ZSWIM6: variants seen among roughly 807,000 people sequenced by gnomAD.
The protein encoded by ZSWIM6 is zinc finger SWIM domain-containing protein 6.
A neutral mutation model predicts 113.2 loss-of-function variants in ZSWIM6; 9 were observed. The observed-to-expected ratio is 0.08, with a 90% CI of 0.05 to 0.14. The LOEUF is 0.14. ZSWIM6 is among the 10% of genes least tolerant of loss of function. The pLI, the probability that ZSWIM6 is intolerant of heterozygous loss-of-function variation, is 1.00. For synonymous variants in ZSWIM6, 611 were observed against 606.5 expected, an observed-to-expected ratio of 1.01 and a Z score of -0.11; for missense variants, 1,162 against 1,552.2, an observed-to-expected ratio of 0.75 and a Z score of 4.22.
chr5:61,387,665 G>A (rs1198585677), intron 1 of ZSWIM6, among the ~76,000 whole-genome samples: 1 of 152,136 alleles, frequency 6.6e-6, no homozygotes, highest in Non-Finnish European at 1.5e-5. Context: ...CCAGCACTTT[G>A]GGAGGCCGAG....
chr5:61,445,841 G>A (rs959168724), intron 1 of ZSWIM6, among the ~76,000 whole-genome samples: 1 of 152,088 alleles, frequency 6.6e-6, no homozygotes, highest in Admixed American at 6.5e-5. Context: ...TACCTTGGGG[G>A]TGACAGTGTT....
chr5:61,535,724 G>A lies in ZSWIM6; in HGVS notation c.2381+105G>A, dbSNP rs1200036774. The A allele has an allele frequency of 3.6e-6, 5 of 1,388,480 alleles. No homozygotes were observed. The African/African-American group carries it at 7.2e-5, about 20-fold the overall frequency. 86.0% of individuals were successfully genotyped at this position (1,388,480 alleles called of 1,614,324 possible). A position where few individuals can be genotyped will look rare whatever the true frequency, so the allele number is the denominator to read the frequency against. ...CATGTTTCTTATAGGCAGCAGAAAA[G>A]CTAAAGAAACTATGTATTTATGCTT... On this transcript the variant is annotated intron_variant, in intron 10 of 13. Transcript: ENST00000252744.
At chr5:61,338,802 T>A (rs1451959474) in intron 1 of ZSWIM6, among the ~76,000 whole-genome samples, 2 of 152,244 alleles carry the variant, frequency 1.3e-5, no homozygotes, top group East Asian at 3.8e-4. Context: ...CTATCCTCAT[T>A]ATTTTTTTTC....
At chr5:61,339,645 C>A (rs574412026) in intron 1 of ZSWIM6, among the ~76,000 whole-genome samples, 6 of 152,108 alleles carry the variant, frequency 3.9e-5, no homozygotes, top group African/African-American at 1.4e-4. Context: ...GCACAAATAT[C>A]CTAAAAATGA....
At chr5:61,438,375 T>A (rs963818222) in intron 1 of ZSWIM6, among the ~76,000 whole-genome samples, 4 of 152,234 alleles carry the variant, frequency 2.6e-5, no homozygotes, top group African/African-American at 9.6e-5. Context: ...AATGTAAAAC[T>A]ATATTCAGGA....
intron 1 of ZSWIM6, among the ~76,000 whole-genome samples, chr5:61,418,257 G>GATTTATTT (rs983217555): frequency 6.6e-6 from 1 of 151,976 alleles, no homozygotes; most frequent in African/African-American, 2.4e-5. Flanking sequence ...ACTAGTCTAT[G>GATTTATTT]ATTTATTTAT....
intron 1 of ZSWIM6, among the ~76,000 whole-genome samples, chr5:61,386,980 T>A (rs1265360141): frequency 6.6e-6 from 1 of 152,214 alleles, no homozygotes; most frequent in Non-Finnish European, 1.5e-5. Context: ...TTGTTAAGAC[T>A]CTTTTCAAGG....
In ZSWIM6 at chr5:61,531,534, A is replaced by G; in HGVS notation, c.2054A>G (p.Glu685Gly). The change falls in exon 9 of 14, where the codon GAA (glutamate) becomes GGA (glycine). Residue 685 changes from glutamate (E) to glycine (G), a missense_variant. Glu to Gly is a moderately conservative substitution (Grantham distance 98). This residue lies in a region of ZSWIM6 where 620 missense variants were observed against 804.6 expected (regional missense o/e 0.77). Transcript: ENST00000252744. ...GCACACAAATTCTTAGAAGAAGGGG[A>G]ATCCTATTTAACGCTGGCTGTGGAA... ...LPAHKFLEEGESYLTLAVEVA... is the reference protein window; with the variant it reads ...LPAHKFLEEGGSYLTLAVEVA... 6.4e-7 allele frequency: 1 copy of G among 1,551,728 alleles called. No homozygotes were observed. The highest frequency in any genetic ancestry group is 8.7e-7 in the Non-Finnish European group (1 of 1,146,982).
At chr5:61,483,824 C>T (rs1344783781) in intron 2 of ZSWIM6, among the ~76,000 whole-genome samples, 1 of 151,330 alleles carries the variant, frequency 6.6e-6, no homozygotes, top group East Asian at 1.9e-4. Context: ...TTGCAGTGAG[C>T]CGAGATCGCA....
chr5:61,346,139 G>A (rs1379350051), intron 1 of ZSWIM6, among the ~76,000 whole-genome samples: 2 of 151,716 alleles, frequency 1.3e-5, no homozygotes, highest in African/African-American at 4.8e-5. Flanking sequence ...TAGTAGAGAC[G>A]GGGTTTCACC....
intron 1 of ZSWIM6, among the ~76,000 whole-genome samples, chr5:61,386,433 CT>C (rs1348572048): frequency 1.3e-5 from 2 of 152,154 alleles, no homozygotes; most frequent in Non-Finnish European, 2.9e-5. Context: ...AATGAATAGT[CT>C]TTTTAATTTC....
intron 4 of ZSWIM6, among the ~76,000 whole-genome samples, chr5:61,516,203 A>G (rs1251513964): frequency 6.6e-6 from 1 of 151,124 alleles, no homozygotes; most frequent in Non-Finnish European, 1.5e-5. Context: ...CCATTTAATC[A>G]TTTGTTTTTT....
At chr5:61,488,332 T>C (rs1326336049) in intron 2 of ZSWIM6, among the ~76,000 whole-genome samples, 1 of 152,014 alleles carries the variant, frequency 6.6e-6, no homozygotes, top group Non-Finnish European at 1.5e-5. Context: ...TTTTGTGTGG[T>C]GTCCTTGTCT....
intron 4 of ZSWIM6, among the ~76,000 whole-genome samples, chr5:61,499,568 G>A (rs189434155): frequency 2.8e-3 from 422 of 152,254 alleles, no homozygotes; most frequent in Non-Finnish European, 4.1e-3. Flanking sequence ...AAGGTTTATA[G>A]AAACCAAATT....
chr5:61,401,851 A>G (rs1310462412), intron 1 of ZSWIM6, among the ~76,000 whole-genome samples: 1 of 152,156 alleles, frequency 6.6e-6, no homozygotes, highest in Non-Finnish European at 1.5e-5. Flanking sequence ...CACTGCCCAA[A>G]TGTCCCATTA....
intron 1 of ZSWIM6, among the ~76,000 whole-genome samples, chr5:61,339,350 C>T (rs868651735): frequency 6.6e-6 from 1 of 152,038 alleles, no homozygotes; most frequent in Non-Finnish European, 1.5e-5. Flanking sequence ...AGGCTGCAGG[C>T]TGCAGTGAGC....
In ZSWIM6 at chr5:61,377,067, T is replaced by G. The variant is rs1745387639; in HGVS notation, c.676+44119T>G. ...TTAAAGGATAGTAAGCTACAATAAT[T>G]AAAACTGTGTGATGAAGGCACATGT... On this transcript the variant is annotated intron_variant, in intron 1 of 13. Coordinates refer to ENST00000252744, the MANE Select transcript of ZSWIM6 (RefSeq NM_020928.2). Among the ~76,000 whole-genome samples, 4 of 152,136 alleles carry G rather than the reference T, an allele frequency of 2.6e-5. No homozygotes were observed. The South Asian group carries it at 8.3e-4, about 32-fold the overall frequency.
rs1167606344 is a variant in ZSWIM6 at position 61,472,078 on chromosome 5, C to T, written c.677-603C>T. On this transcript the variant is annotated intron_variant, in intron 1 of 13. Coordinates refer to ENST00000252744, the MANE Select transcript of ZSWIM6 (RefSeq NM_020928.2). This position sits in a 1 kb window ranked among gnomAD's most constrained non-coding sequence, Gnocchi z 4.1. ...TGCAATTCTATAAGCAGTTGCTGCT[C>T]ATAGACATTGCTGTATTGGGGTATA... Among the ~76,000 whole-genome samples the T allele has an allele frequency of 6.6e-6, 1 of 152,078 alleles. No individual in the cohort carries two copies. Among genetic ancestry groups the T allele is most frequent in the Non-Finnish European group, 1.5e-5 (1 of 68,010 alleles).
intron 1 of ZSWIM6, among the ~76,000 whole-genome samples, chr5:61,464,462 A>G (rs1250936187): frequency 6.6e-6 from 1 of 152,124 alleles, no homozygotes; most frequent in African/African-American, 2.4e-5. Flanking sequence ...CTCCTAGAGA[A>G]CATCAGTTTC....
Sources: allele counts gnomAD v4.1 joint callset (sites outside exome capture counted in the v4.1 genomes callset), GRCh38; gene constraint gnomAD v4.1.1; regional missense constraint gnomAD v4.1.1; non-coding constraint Gnocchi (gnomAD v3.1); transcripts MANE v1.5; gene names NCBI Gene and HGNC (gene_info 2026-07-23, HGNC 2026-07-21).